ROBO2: variants seen among roughly 807,000 people sequenced by gnomAD.
ROBO2 encodes roundabout homolog 2.
ROBO2 carries 53 observed loss-of-function variants against 160.8 expected under a neutral mutation model. The observed-to-expected ratio is 0.33, with a 90% confidence interval of 0.26 to 0.41. ROBO2 has a LOEUF of 0.41. Ranked by LOEUF, ROBO2 falls within the 10% of genes least tolerant of loss-of-function variation. The probability of loss-of-function intolerance (pLI) is 1.00; values close to 1 mark genes in which losing one functional copy is unlikely to be tolerated. For missense variants in ROBO2, 1,577 were observed against 1,722.4 expected (o/e 0.92, Z 1.49); for synonymous variants, 664 against 611.7 (o/e 1.09, Z -1.26).
At chr3:77,642,621 T>C (rs1202658582) in intron 24 of ROBO2, 50 bp from the exon 26 acceptor site, 1 of 430,186 alleles carries the variant, frequency 2.3e-6, no homozygotes, top group Non-Finnish European at 4.6e-6. Flanking sequence ...CTAAAACCTG[T>C]ATTTTTCATT....
At chr3:75,927,242 T>C (rs1290852375) in intron 1 of ROBO2, among the ~76,000 whole-genome samples, 1 of 152,222 alleles carries the variant, frequency 6.6e-6, no homozygotes, top group Admixed American at 6.5e-5. Context: ...AGTTCAGTTA[T>C]ATTCTGTTGA....
chr3:77,180,092 C>T (rs929284719), intron 2 of ROBO2, among the ~76,000 whole-genome samples: 2 of 151,808 alleles, frequency 1.3e-5, no homozygotes, highest in Non-Finnish European at 2.9e-5. Context: ...CACAGACATT[C>T]TTCCCCCATG....
intron 2 of ROBO2, among the ~76,000 whole-genome samples, chr3:76,153,432 T>C (rs546976392): frequency 6.6e-6 from 1 of 152,280 alleles, no homozygotes; most frequent in South Asian, 2.1e-4. Flanking sequence ...GGGAAAAGCA[T>C]TGAGTTTTTT....
chr3:77,493,007 T>A (rs2086325914), intron 4 of ROBO2, among the ~76,000 whole-genome samples: 1 of 152,188 alleles, frequency 6.6e-6, no homozygotes. Flanking sequence ...ATTTAATATT[T>A]TTTTCCAAAG....
intron 2 of ROBO2, among the ~76,000 whole-genome samples, chr3:76,268,868 G>A (rs1011894217): frequency 1.1e-4 from 16 of 152,150 alleles, no homozygotes; most frequent in African/African-American, 3.9e-4. Context: ...CATGTATTGA[G>A]TATAGACACA....
intron 2 of ROBO2, among the ~76,000 whole-genome samples, chr3:77,380,386 T>C (rs1048551799): frequency 3.3e-5 from 5 of 152,128 alleles, no homozygotes; most frequent in Non-Finnish European, 7.3e-5. Flanking sequence ...CTCTCTGTCA[T>C]ATGGAAAGAG....
At chr3:76,167,682 C>G (rs1308142792) in intron 2 of ROBO2, among the ~76,000 whole-genome samples, 1 of 152,052 alleles carries the variant, frequency 6.6e-6, no homozygotes, top group Non-Finnish European at 1.5e-5. Context: ...CATTCTTCTC[C>G]TTTTATTATA....
chr3:76,796,740 A>G (rs2063729976), intron 2 of ROBO2, among the ~76,000 whole-genome samples: 1 of 152,150 alleles, frequency 6.6e-6, no homozygotes, highest in Non-Finnish European at 1.5e-5. Flanking sequence ...TAGACTCTAA[A>G]TAAAGAGATG....
At chr3:76,189,771 G>A (rs1291364714) in intron 2 of ROBO2, among the ~76,000 whole-genome samples, 2 of 152,036 alleles carry the variant, frequency 1.3e-5, no homozygotes, top group African/African-American at 4.8e-5. Flanking sequence ...GGTATGCCAG[G>A]CTCTCTGCTA....
intron 2 of ROBO2, among the ~76,000 whole-genome samples, chr3:76,702,578 T>C (rs2093069227): frequency 6.6e-6 from 1 of 151,790 alleles, no homozygotes; most frequent in Admixed American, 6.6e-5. Flanking sequence ...TTAGAAATGA[T>C]TGAATTAAAG....
chr3:76,188,695 A>G (rs1701872377), intron 2 of ROBO2, among the ~76,000 whole-genome samples: 1 of 152,030 alleles, frequency 6.6e-6, no homozygotes, highest in Middle Eastern at 3.4e-3. Context: ...TTTATGATTT[A>G]TTTTCCTTCA....
intron 2 of ROBO2, among the ~76,000 whole-genome samples, chr3:76,455,194 A>C (rs371021510): frequency 2.0e-4 from 30 of 152,240 alleles, no homozygotes; most frequent in African/African-American, 7.2e-4. Flanking sequence ...TGTCTTAGAC[A>C]TTTAGTGCTA....
chr3:77,538,621 T>G (rs2092298518), intron 6 of ROBO2, among the ~76,000 whole-genome samples: 1 of 152,228 alleles, frequency 6.6e-6, no homozygotes, highest in South Asian at 2.1e-4. Context: ...AATTATGTGT[T>G]AATAAGCTTC....
At chr3:76,364,563 T>A (rs989168632) in intron 2 of ROBO2, among the ~76,000 whole-genome samples, 2 of 152,074 alleles carry the variant, frequency 1.3e-5, no homozygotes, top group African/African-American at 4.8e-5. Flanking sequence ...TTAACTTGGC[T>A]GTAATTCATG....
At chr3:76,555,358 GAGAAGAAGAAGAAGAAGAAGAAGAAGA>G (rs58339602) in intron 2 of ROBO2, among the ~76,000 whole-genome samples, 18 of 57,948 alleles carry the variant, frequency 3.1e-4, no homozygotes, top group South Asian at 2.2e-3. Flanking sequence ...AGTAGGAAGA[GAGAAGAAGAAGAAGAAGAAGAAGAAGA>G]AGAAGAAGAA....
intron 2 of ROBO2, among the ~76,000 whole-genome samples, chr3:76,469,883 C>T (rs1327860769): frequency 1.3e-5 from 2 of 152,132 alleles, no homozygotes; most frequent in African/African-American, 4.8e-5. Context: ...AGTAAATTTT[C>T]TTCTTTTTGC....
At chr3:76,347,290 A>G (rs553790420) in intron 2 of ROBO2, among the ~76,000 whole-genome samples, 1 of 152,284 alleles carries the variant, frequency 6.6e-6, no homozygotes, top group African/African-American at 2.4e-5. Flanking sequence ...AAGAACAAAC[A>G]GCCAAAAAAC....
chr3:76,468,057 A>T (rs1366155691), intron 2 of ROBO2, among the ~76,000 whole-genome samples: 2 of 152,130 alleles, frequency 1.3e-5, no homozygotes, highest in African/African-American at 4.8e-5. Context: ...AAAAGCCCCT[A>T]ATGTGCCAAG....
chr3:76,467,134 G>C lies in ROBO2; in HGVS notation c.109+529532G>C, dbSNP rs947090184. On this transcript the variant is annotated intron_variant, in intron 2 of 26. Coordinates refer to the ROBO2 transcript ENST00000487694. ...ATATATAAATATCAAGAAAAAACTT[G>C]TGTTAGATGTCTAAATCCTACCAAC... Among the ~76,000 whole-genome samples the C allele has an allele frequency of 2.6e-5, 4 of 152,140 alleles. No individual in the cohort carries two copies. In the East Asian group the frequency reaches 7.7e-4, roughly 29 times the overall value.
Sources: gnomAD v4.1 joint callset for allele counts (sites outside exome capture counted in the v4.1 genomes callset) on GRCh38, gnomAD v4.1.1 for gene constraint, MANE v1.5 for transcripts, NCBI Gene and HGNC (gene_info 2026-07-23, HGNC 2026-07-21) for gene names.